Variants in KCTD14 observed in about 807,000 individuals in gnomAD.
The protein encoded by KCTD14 is BTB/POZ domain-containing protein KCTD14.
A neutral mutation model predicts 5.9 loss-of-function variants in KCTD14; 7 were observed. The ratio of observed to expected loss-of-function variants is 1.19; its 90% confidence interval spans 0.68 to 2.23. The LOEUF (loss-of-function observed/expected upper bound fraction) is 2.23, where lower values mean the gene tolerates loss of function less well. KCTD14 is among the 30% of genes most tolerant of loss of function. The pLI is 0.00. For synonymous variants in KCTD14, 140 were observed against 133.1 expected (o/e 1.05, Z -0.36); for missense variants, 342 against 332.2 (o/e 1.03, Z -0.23).
At chr11:78,033,770 C>G (rs1857699553) in intron 2 of KCTD14, among the ~76,000 whole-genome samples, 1 of 148,478 alleles carries the variant, frequency 6.7e-6, no homozygotes, top group Non-Finnish European at 1.5e-5. Flanking sequence ...ATTGCTCGAA[C>G]CAGAGGTAGA....
intron 2 of KCTD14, among the ~76,000 whole-genome samples, chr11:78,035,051 G>A (rs1222555598): frequency 6.6e-6 from 1 of 152,140 alleles, no homozygotes; most frequent in African/African-American, 2.4e-5. Context: ...CTCTGCCTAA[G>A]GCCCTACCCC....
At position 78,017,139 on chromosome 11, in the gene KCTD14, C is replaced by T. The variant is rs764616570; in HGVS notation, c.222G>A (p.Glu74=). Reference sequence around the variant, plus strand: ...TGGGGCGGTCGATGAAGAAGCGGCCCTCCGCGTCCGTGGAGGCCTTGGCTA... The same window carrying T: ...TGGGGCGGTCGATGAAGAAGCGGCCTTCCGCGTCCGTGGAGGCCTTGGCTA... ...SSLAKASTDA[E]GRFFIDRPST... Residue 74 remains glutamate, a synonymous_variant, in exon 2 of 2, where the codon GAG becomes GAA. Transcript: ENST00000353172. 9 of 1,614,056 alleles carry T rather than the reference C, an allele frequency of 5.6e-6. No individual in the cohort carries two copies. The highest frequency in any genetic ancestry group is 4.0e-5 in the African/African-American group (3 of 74,924).
chr11:78,017,783 T>C (rs1230374714), intron 1 of KCTD14, among the ~76,000 whole-genome samples: 1 of 152,104 alleles, frequency 6.6e-6, no homozygotes, highest in Non-Finnish European at 1.5e-5. Context: ...TTCAAGCATC[T>C]TAATTTTAGG....
intron 1 of KCTD14, chr11:78,022,955 G>C (rs11237360): frequency 0.37 from 199,038 of 544,704 alleles, 37,661 homozygotes; most frequent in South Asian, 0.41. Flanking sequence ...AAGGGACACC[G>C]AGGCGCGAAA....
At chr11:78,038,823 C>T in intron 1 of KCTD14, 1 of 1,522,368 alleles carries the variant, frequency 6.6e-7, no homozygotes, top group Non-Finnish European at 8.8e-7. Flanking sequence ...ACCAGGAGTT[C>T]AGAGGGCCCA....
At chr11:78,036,349 C>T (rs907027017) in intron 2 of KCTD14, among the ~76,000 whole-genome samples, 1 of 152,206 alleles carries the variant, frequency 6.6e-6, no homozygotes, top group Admixed American at 6.5e-5. Context: ...AGCTGATTTT[C>T]ACAGGTGCTC....
Position 78,023,180 on chromosome 11 carries a change from G to T in KCTD14, c.70C>A (p.Pro24Thr). 1 of 1,598,372 alleles carries T rather than the reference G, an allele frequency of 6.3e-7. No homozygotes were observed. The highest frequency in any genetic ancestry group is 8.5e-7 in the Non-Finnish European group (1 of 1,174,752). The change falls in exon 1 of 2, where the codon CCC (proline) becomes ACC (threonine). Residue 24 changes from proline to threonine, a missense_variant. Transcript: ENST00000353172. The stretch of plus-strand genomic sequence containing the variant: ...CTTACCGTTGGCCGCCTGGGCCGGG[G>T]GGACTGGGGCAGAGGGGTCTGGCTC... ...MTSQTPLPQS[P>T]RPRRPTMSTV...
At chr11:78,018,550 T>C (rs1441479620) in intron 1 of KCTD14, among the ~76,000 whole-genome samples, 4 of 151,826 alleles carry the variant, frequency 2.6e-5, no homozygotes, top group African/African-American at 7.3e-5. Context: ...CTACTAAAAA[T>C]ACAGTAATTA....
chr11:78,031,768 G>A (rs1458006969), intron 2 of KCTD14, among the ~76,000 whole-genome samples: 2 of 152,194 alleles, frequency 1.3e-5, no homozygotes, highest in Admixed American at 6.5e-5. Flanking sequence ...GGAAAGAGCA[G>A]TGAACCAGGG....
intron 2 of KCTD14, among the ~76,000 whole-genome samples, chr11:78,030,132 C>A (rs1187020051): frequency 1.3e-5 from 2 of 152,156 alleles, no homozygotes; most frequent in Admixed American, 1.3e-4. Context: ...TGTCTCCATT[C>A]CTGGACAGGA....
chr11:78,019,795 T>C (rs1419590426), intron 1 of KCTD14, among the ~76,000 whole-genome samples: 1 of 152,188 alleles, frequency 6.6e-6, no homozygotes, highest in East Asian at 1.9e-4. Context: ...TCAACAAAAC[T>C]TTTAGAGGCC....
intron 1 of KCTD14, among the ~76,000 whole-genome samples, chr11:78,039,367 A>T (rs1210909014): frequency 2.2e-5 from 3 of 138,400 alleles, no homozygotes; most frequent in Admixed American, 7.2e-5. Flanking sequence ...AAATACAAAA[A>T]AAATAAATAA....
intron 1 of KCTD14, among the ~76,000 whole-genome samples, chr11:78,018,571 G>T (rs931174901): frequency 3.3e-5 from 5 of 152,002 alleles, no homozygotes; most frequent in South Asian, 2.1e-4. Flanking sequence ...GCCAGGCATG[G>T]TGGCACGTGC....
At chr11:78,027,343 G>A (rs1857495207), upstream of KCTD14, among the ~76,000 whole-genome samples, 1 of 149,918 alleles carries the variant, frequency 6.7e-6, no homozygotes, top group South Asian at 2.1e-4. Flanking sequence ...GACCAACCTG[G>A]GCAGCATAGC....
At chr11:78,033,921 A>G (rs1857715077) in intron 2 of KCTD14, among the ~76,000 whole-genome samples, 1 of 147,338 alleles carries the variant, frequency 6.8e-6, no homozygotes, top group South Asian at 2.1e-4. Flanking sequence ...ATATACACAC[A>G]TTATATATAA....
upstream of KCTD14, among the ~76,000 whole-genome samples, chr11:78,024,652 C>T (rs1489950911): frequency 6.6e-6 from 1 of 151,556 alleles, no homozygotes; most frequent in East Asian, 2.0e-4. Flanking sequence ...AGGGACAGAA[C>T]TAACGGAATA....
intron 2 of KCTD14, among the ~76,000 whole-genome samples, chr11:78,029,873 C>A (rs1263792642): frequency 2.0e-5 from 3 of 151,972 alleles, no homozygotes. Flanking sequence ...GCTCCACCTC[C>A]CAGGTTCATA....
rs767308725 is a variant in KCTD14 at position 78,017,126 on chromosome 11, T to A, written c.235A>T (p.Ile79Phe). The stretch of plus-strand genomic sequence containing the variant: ...CTGAAATAGGTGCTGGGGCGGTCGA[T>A]GAAGAAGCGGCCCTCCGCGTCCGTG... The part of the protein sequence containing the change: ...ASTDAEGRFF[I>F]DRPSTYFRPI... The change falls in exon 2 of 2, where the codon ATC (isoleucine) becomes TTC (phenylalanine). Residue 79 changes from isoleucine (I) to phenylalanine (F), a missense_variant. By Grantham distance (21) the Ile-to-Phe change is conservative (BLOSUM62 0). Transcript: ENST00000353172. The A allele has an allele frequency of 6.2e-7, 1 of 1,614,172 alleles. No homozygotes were observed. Among genetic ancestry groups the A allele is most frequent in the Non-Finnish European group, 8.5e-7 (1 of 1,180,028 alleles).
intron 1 of KCTD14, among the ~76,000 whole-genome samples, chr11:78,039,068 CA>C (rs34453594): frequency 0.011 from 1,277 of 114,726 alleles, 15 homozygotes; most frequent in African/African-American, 0.042. Context: ...CTTTAGATTA[CA>C]AAAAAAAAAA....
Sources: gnomAD v4.1 joint callset for allele counts (sites outside exome capture counted in the v4.1 genomes callset) on GRCh38, gnomAD v4.1.1 for gene constraint, MANE v1.5 for transcripts, NCBI Gene and HGNC (gene_info 2026-07-23, HGNC 2026-07-21) for gene names.